Variants in HTR1E observed in about 807,000 individuals in gnomAD.
The protein encoded by HTR1E is 5-hydroxytryptamine receptor 1E.
In HTR1E, 3 loss-of-function variants were observed where a neutral mutation model predicts 3.4. The ratio of observed to expected loss-of-function variants is 0.89; its 90% confidence interval spans 0.41 to 2.31. The LOEUF is 2.31. Ranked by LOEUF, HTR1E falls within the 30% of genes most tolerant of loss-of-function variation. HTR1E has a pLI of 0.05. For missense variants in HTR1E, 392 were observed against 467.0 expected, an observed-to-expected ratio of 0.84 and a Z score of 1.48; for synonymous variants, 170 against 182.8, an observed-to-expected ratio of 0.93 and a Z score of 0.56.
chr6:86,974,653 C>A (rs142804754), intron 1 of HTR1E, among the ~76,000 whole-genome samples: 1 of 152,282 alleles, frequency 6.6e-6, no homozygotes, highest in Non-Finnish European at 1.5e-5. Flanking sequence ...AAGATGATTT[C>A]TTCCAGTCTT....
intron 1 of HTR1E, among the ~76,000 whole-genome samples, chr6:86,947,166 AATGCTT>A (rs1217146224): frequency 6.6e-6 from 1 of 152,172 alleles, no homozygotes; most frequent in Non-Finnish European, 1.5e-5. Context: ...GGAATTGTAC[AATGCTT>A]ATGTGATCTT....
intron 1 of HTR1E, among the ~76,000 whole-genome samples, chr6:86,974,682 C>A (rs1767604762): frequency 6.6e-6 from 1 of 150,868 alleles, no homozygotes; most frequent in Admixed American, 6.6e-5. Flanking sequence ...TGAAGTTATT[C>A]TTTTCCCCTG....
chr6:86,996,928 G>T (rs1052036399), intron 1 of HTR1E, among the ~76,000 whole-genome samples: 12 of 151,926 alleles, frequency 7.9e-5, no homozygotes, highest in Non-Finnish European at 1.5e-5. Flanking sequence ...AAAAGTTAGA[G>T]ATCAATATCT....
chr6:86,985,130 G>A (rs1385870949), intron 1 of HTR1E, among the ~76,000 whole-genome samples: 1 of 152,096 alleles, frequency 6.6e-6, no homozygotes, highest in East Asian at 1.9e-4. Context: ...TCTACCGGCT[G>A]GCACTTGCTG....
chr6:86,939,878 C>A (rs1228351220), intron 1 of HTR1E, among the ~76,000 whole-genome samples: 1 of 152,204 alleles, frequency 6.6e-6, no homozygotes, highest in South Asian at 2.1e-4. Context: ...TGCAACTCAG[C>A]GTGATGTCAC....
chr6:86,981,580 G>A (rs1211113315), intron 1 of HTR1E, among the ~76,000 whole-genome samples: 1 of 152,220 alleles, frequency 6.6e-6, no homozygotes, highest in East Asian at 1.9e-4. Flanking sequence ...GTCCTGGAAT[G>A]GAGGAAGGAG....
intron 1 of HTR1E, among the ~76,000 whole-genome samples, chr6:86,942,839 T>C (rs1582253176): frequency 6.6e-6 from 1 of 152,286 alleles, no homozygotes; most frequent in East Asian, 1.9e-4. Flanking sequence ...TTTGGTGACT[T>C]ACATATAAAT....
chr6:86,965,903 G>A (rs1323628970), intron 1 of HTR1E, among the ~76,000 whole-genome samples: 1 of 152,072 alleles, frequency 6.6e-6, no homozygotes, highest in African/African-American at 2.4e-5. Flanking sequence ...TGGTTATAGT[G>A]TATACTTCTC....
intron 1 of HTR1E, among the ~76,000 whole-genome samples, chr6:86,986,394 A>T (rs561058057): frequency 6.6e-6 from 1 of 152,320 alleles, no homozygotes; most frequent in South Asian, 2.1e-4. Context: ...GTTTTTCTCT[A>T]GGCAGAGCTA....
chr6:87,012,047 C>T (rs1460634606), intron 1 of HTR1E, among the ~76,000 whole-genome samples: 2 of 152,072 alleles, frequency 1.3e-5, no homozygotes, highest in East Asian at 1.9e-4. Context: ...GACTTAGGGG[C>T]TAGGCATGGG....
In HTR1E at chr6:87,015,895, G is replaced by T; in HGVS notation, c.561G>T (p.Thr187=). The stretch of plus-strand genomic sequence containing the variant: ...ATGTTATCTACACCATTTACTCCAC[G>T]CTGGGTGCGTTTTATATCCCCTTGA... The part of the protein sequence containing the change: ...HDHVIYTIYS[T]LGAFYIPLTL... The change falls in exon 2 of 2, where the codon ACG becomes ACT. Residue 187 remains threonine (T), a synonymous_variant. Transcript: ENST00000305344. 1 of 1,613,320 alleles carries T rather than the reference G, an allele frequency of 6.2e-7. No homozygotes were observed. The highest frequency in any genetic ancestry group is 1.1e-5 in the South Asian group (1 of 90,938).
chr6:86,963,173 G>A (rs922363388), intron 1 of HTR1E, among the ~76,000 whole-genome samples: 1 of 151,980 alleles, frequency 6.6e-6, no homozygotes, highest in African/African-American at 2.4e-5. Flanking sequence ...AGGCTAATGT[G>A]TATATTTTTG....
chr6:86,986,332 T>C (rs1454257571), intron 1 of HTR1E, among the ~76,000 whole-genome samples: 1 of 151,568 alleles, frequency 6.6e-6, no homozygotes, highest in African/African-American at 2.4e-5. Flanking sequence ...CACAATTCTA[T>C]CAGTGTTTTT....
At position 87,016,476 on chromosome 6, in the gene HTR1E, AG is replaced by A. The variant is rs764815506; in HGVS notation, c.*45del. 1 of 1,522,662 alleles carries A rather than the reference AG, an allele frequency of 6.6e-7. No individual in the cohort carries two copies. The highest frequency in any genetic ancestry group is 8.9e-7 in the Non-Finnish European group (1 of 1,126,510). The allele number at this position is 1,522,662 out of a possible 1,614,324, so 94.3% of individuals were successfully genotyped here. On this transcript the variant is annotated 3_prime_UTR_variant, in exon 2 of 2. Coordinates refer to ENST00000305344, the MANE Select transcript of HTR1E (RefSeq NM_000865.3). ...GCACGACTTTTTCCAGAGCCTCATG[AG>A]TGGATGGGGGTAAGGGGTGCAACTT...
intron 1 of HTR1E, among the ~76,000 whole-genome samples, chr6:86,968,383 G>A (rs1278076715): frequency 6.6e-6 from 1 of 152,174 alleles, no homozygotes; most frequent in Admixed American, 6.5e-5. Flanking sequence ...TTTGGTAGTT[G>A]CTGCTAAATT....
At chr6:87,014,025 C>T (rs928293454) in intron 1 of HTR1E, among the ~76,000 whole-genome samples, 1 of 152,032 alleles carries the variant, frequency 6.6e-6, no homozygotes, top group African/African-American at 2.4e-5. Flanking sequence ...AAACCAGACA[C>T]CACATGTTCT....
intron 1 of HTR1E, among the ~76,000 whole-genome samples, chr6:86,950,384 A>G (rs940424174): frequency 2.0e-5 from 3 of 152,162 alleles, no homozygotes; most frequent in African/African-American, 7.2e-5. Context: ...AAGTGCACGG[A>G]AGGAATGACA....
intron 1 of HTR1E, among the ~76,000 whole-genome samples, chr6:87,010,821 G>C (rs867596462): frequency 1.3e-5 from 2 of 151,846 alleles, no homozygotes; most frequent in African/African-American, 4.8e-5. Context: ...CTCGGGCCCC[G>C]CGGGGCCCGT....
intron 1 of HTR1E, among the ~76,000 whole-genome samples, chr6:87,008,396 T>TA (rs567587094): frequency 9.7e-4 from 148 of 151,826 alleles, no homozygotes; most frequent in East Asian, 7.7e-4. Flanking sequence ...CCTGAAATAA[T>TA]AAAAAAAAGA....
Sources: gnomAD v4.1 joint callset for allele counts (sites outside exome capture counted in the v4.1 genomes callset) on GRCh38, gnomAD v4.1.1 for gene constraint, MANE v1.5 for transcripts, NCBI Gene and HGNC (gene_info 2026-07-23, HGNC 2026-07-21) for gene names.